MCPH1: variants seen among roughly 807,000 people sequenced by gnomAD.
The protein encoded by MCPH1 is microcephalin 1.
MCPH1 carries 104 observed loss-of-function variants against 84.5 expected under a neutral mutation model. The ratio of observed to expected loss-of-function variants is 1.23; its 90% CI spans 1.05 to 1.45. The LOEUF (loss-of-function observed/expected upper bound fraction) is 1.45. Among genes scored for constraint, MCPH1 ranks in the 40% most tolerant of loss-of-function variants. MCPH1 has a pLI of 0.00. For synonymous variants in MCPH1, 514 were observed against 366.8 expected (o/e 1.40, Z -4.58); for missense variants, 1,498 against 1,005.7 (o/e 1.49, Z -6.62).
At chr8:6,500,034 A>T in intron 12 of MCPH1, 105 bp downstream of exon 12, 1 of 908,438 alleles carries the variant, frequency 1.1e-6, no homozygotes, top group Non-Finnish European at 1.8e-6. Flanking sequence ...AAGCACAATT[A>T]TGCCCATAAT....
chr8:6,585,886 C>A (rs1827939358), intron 12 of MCPH1, among the ~76,000 whole-genome samples: 1 of 152,206 alleles, frequency 6.6e-6, no homozygotes, highest in African/African-American at 2.4e-5. Context: ...TTTTCTATTG[C>A]ACCTCCTTGT....
chr8:6,631,120 C>T (rs1271032912), intron 13 of MCPH1, among the ~76,000 whole-genome samples: 2 of 152,222 alleles, frequency 1.3e-5, no homozygotes, highest in Non-Finnish European at 2.9e-5. Context: ...TTTTGTGGCA[C>T]ATGGTGGCAA....
In MCPH1 at chr8:6,625,514, C is replaced by T. The variant is rs183805211; in HGVS notation, c.2452+3823C>T. 523 of 983,440 alleles carry T rather than the reference C, an allele frequency of 5.3e-4. 4 individuals carry two copies. In the African/African-American group the frequency reaches 6.3e-3, roughly 12 times the overall value. The allele number at this position is 983,440 out of a possible 1,614,324, so 60.9% of individuals were successfully genotyped here. A position where few individuals can be genotyped will look rare whatever the true frequency, so the allele number is the denominator to read the frequency against. On this transcript the variant is annotated intron_variant, in intron 13 of 13. Transcript: ENST00000344683. ...ATCAAACCATTTTAAAGCACCAAAT[C>T]GAAAAAGAAGTTATTTTGTTTAAAT... is the stretch of plus-strand genomic sequence containing the variant.
chr8:6,412,564 C>G (rs566188837), intron 2 of MCPH1, among the ~76,000 whole-genome samples: 4 of 152,214 alleles, frequency 2.6e-5, no homozygotes, highest in African/African-American at 9.6e-5. Flanking sequence ...ATTATAACTT[C>G]TGATTCACCC....
intron 12 of MCPH1, among the ~76,000 whole-genome samples, chr8:6,590,790 G>C (rs1361381124): frequency 6.6e-6 from 1 of 152,220 alleles, no homozygotes; most frequent in Non-Finnish European, 1.5e-5. Flanking sequence ...AGAAAATCGA[G>C]GCTGCCTCAG....
chr8:6,415,804 A>T (rs181839195), intron 3 of MCPH1, among the ~76,000 whole-genome samples: 11 of 152,184 alleles, frequency 7.2e-5, no homozygotes, highest in Non-Finnish European at 1.6e-4. Flanking sequence ...GGTTCCTTGC[A>T]TTTCTATATG....
chr8:6,584,152 G>A (rs1827795505), intron 12 of MCPH1, among the ~76,000 whole-genome samples: 1 of 152,024 alleles, frequency 6.6e-6, no homozygotes, highest in Non-Finnish European at 1.5e-5. Flanking sequence ...TTCCTATGGT[G>A]AATTTGTAAT....
intron 1 of MCPH1, among the ~76,000 whole-genome samples, chr8:6,407,311 G>C (rs1797877488): frequency 6.6e-6 from 1 of 151,986 alleles, no homozygotes. Context: ...GGCTAGTATG[G>C]TATTGTCTGA....
chr8:6,540,959 G>A (rs896103157), intron 12 of MCPH1, among the ~76,000 whole-genome samples: 12 of 152,254 alleles, frequency 7.9e-5, no homozygotes, highest in Non-Finnish European at 1.3e-4. Context: ...AATGGGGACT[G>A]CTGTCCCCAG....
At chr8:6,605,070 G>A (rs1386951464) in intron 12 of MCPH1, among the ~76,000 whole-genome samples, 1 of 152,050 alleles carries the variant, frequency 6.6e-6, no homozygotes, top group South Asian at 2.1e-4. Flanking sequence ...CCTCCTTGTC[G>A]CCTGACCTCT....
chr8:6,626,090 A>G (rs975200092), intron 13 of MCPH1: 7 of 984,908 alleles, frequency 7.1e-6, no homozygotes, highest in East Asian at 1.1e-4. Context: ...AAGACCAACA[A>G]CTCCATATCT....
intron 11 of MCPH1, among the ~76,000 whole-genome samples, chr8:6,495,901 T>A (rs1268830467): frequency 6.6e-6 from 1 of 152,232 alleles, no homozygotes; most frequent in Non-Finnish European, 1.5e-5. Flanking sequence ...ACTATCAGAT[T>A]TGATTTTTAA....
intron 3 of MCPH1, among the ~76,000 whole-genome samples, chr8:6,429,192 C>T (rs772994053): frequency 1.3e-5 from 2 of 152,162 alleles, no homozygotes; most frequent in African/African-American, 2.4e-5. Flanking sequence ...TCAGAGTGAA[C>T]CATGAATATA....
chr8:6,443,017 C>T (rs939639836), intron 7 of MCPH1, among the ~76,000 whole-genome samples: 1 of 152,214 alleles, frequency 6.6e-6, no homozygotes, highest in African/African-American at 2.4e-5. Context: ...AAGTTGGAAA[C>T]AAGTGATAAT....
Position 6,643,429 on chromosome 8 carries a change from T to G in MCPH1, c.*380T>G, listed in dbSNP as rs916548452. On this transcript the variant is annotated 3_prime_UTR_variant, in exon 14 of 14. Coordinates refer to ENST00000344683, the MANE Select transcript of MCPH1 (RefSeq NM_024596.5). ...ACAGATGTGTGCCACCATGCCTGGC[T>G]AATTTTTGTAGTTTTAGTAGAGACA... 2 of 270,450 alleles carry G rather than the reference T, an allele frequency of 7.4e-6. No homozygotes were observed. Among genetic ancestry groups the G allele is most frequent in the Non-Finnish European group, 7.2e-6 (1 of 139,356 alleles). The allele number at this position is 270,450 out of a possible 1,614,324, so 16.8% of individuals were successfully genotyped here.
chr8:6,507,041 G>A (rs952201594), intron 12 of MCPH1, among the ~76,000 whole-genome samples: 28 of 152,040 alleles, frequency 1.8e-4, no homozygotes, highest in African/African-American at 6.3e-4. Context: ...GGGATTACAG[G>A]CGTATGCCAC....
chr8:6,517,151 G>C (rs1054689361), intron 12 of MCPH1, among the ~76,000 whole-genome samples: 1 of 152,184 alleles, frequency 6.6e-6, no homozygotes, highest in African/African-American at 2.4e-5. Flanking sequence ...ATTATATCAG[G>C]ATCAGCAAAG....
At chr8:6,562,572 G>GTTTTTAAAACCT in intron 12 of MCPH1, 1 of 42,834 alleles carries the variant, frequency 2.3e-5, no homozygotes. Context: ...TTTTTTTTTT[G>GTTTTTAAAACCT]GTTGTTAAAA....
chr8:6,459,272 G>A (rs954577606), intron 9 of MCPH1, among the ~76,000 whole-genome samples: 4 of 128,562 alleles, frequency 3.1e-5, no homozygotes, highest in African/African-American at 1.1e-4. Context: ...AACTTAACAC[G>A]GCCTTTTTTG....
Sources: allele counts gnomAD v4.1 joint callset (sites outside exome capture counted in the v4.1 genomes callset), GRCh38; gene constraint gnomAD v4.1.1; transcripts MANE v1.5; gene names NCBI Gene and HGNC (gene_info 2026-07-23, HGNC 2026-07-21).